BLMH: variants seen among roughly 807,000 people sequenced by gnomAD.
BLMH encodes the protein BLM hydrolase.
BLMH carries 32 observed loss-of-function variants against 61.6 expected under a neutral mutation model. That is an observed-to-expected ratio of 0.52 (90% CI 0.39 to 0.70). BLMH has a LOEUF of 0.70. Ranked by LOEUF, BLMH falls within the 30% of genes least tolerant of loss-of-function variation. The pLI is 0.00. For synonymous variants in BLMH, 183 were observed against 193.8 expected, an observed-to-expected ratio of 0.94 and a Z score of 0.46; for missense variants, 460 against 555.5, an observed-to-expected ratio of 0.83 and a Z score of 1.73.
chr17:30,271,774 ACTG>A (rs1597662430), intron 9 of BLMH, among the ~76,000 whole-genome samples: 1 of 152,208 alleles, frequency 6.6e-6, no homozygotes, highest in East Asian at 1.9e-4. Flanking sequence ...CATTTAAATC[ACTG>A]CTGATTAAAA....
At chr17:30,285,901 C>G (rs1325111100) in intron 5 of BLMH, among the ~76,000 whole-genome samples, 2 of 152,120 alleles carry the variant, frequency 1.3e-5, no homozygotes, top group Admixed American at 1.3e-4. Flanking sequence ...CTGACTATGA[C>G]TATGGTTATG....
chr17:30,252,046 A>G (rs934097356), intron 11 of BLMH: 1 of 152,190 alleles, frequency 6.6e-6, no homozygotes, highest in Non-Finnish European at 1.5e-5. Context: ...GAATTCCTGT[A>G]TCTGCATCTG....
chr17:30,281,089 G>GT (rs145338417), intron 6 of BLMH, among the ~76,000 whole-genome samples: 3,828 of 139,024 alleles, frequency 0.028, 168 homozygotes, highest in African/African-American at 0.1. Context: ...TTGTTTCTTT[G>GT]TTGTTTTTTT....
In BLMH at chr17:30,287,994, A is replaced by G. The variant is rs749259171; in HGVS notation, c.322-47T>C. 12 of 1,549,262 alleles carry G rather than the reference A, an allele frequency of 7.7e-6. No homozygotes were observed. The Admixed American group carries it at 1.5e-4, about 19-fold the overall frequency. On this transcript the variant is annotated intron_variant, in intron 3 of 11. Transcript: ENST00000261714. ...ATAACATTAAAAGAAAAAAGTGTCA[A>G]TAATTTTATTGGCATTATCAACAGA...
At position 30,271,382 on chromosome 17, in the gene BLMH, G is replaced by C. The variant is rs755669858; in HGVS notation, c.1035C>G (p.Asp345Glu). Residue 345 changes from aspartate to glutamate, a missense_variant, in exon 10 of 12, where the codon GAC becomes GAG. Around this residue, in one of 5 missense-constraint regions of BLMH, gnomAD observed 310 missense variants for 371.1 expected, o/e 0.84. Transcript: ENST00000261714. Reference protein sequence around the residue: ...KLGLSDMNLYDHELVFGVSLK... With the variant: ...KLGLSDMNLYEHELVFGVSLK... Reference sequence around the variant, plus strand: ...AGGAGACACCAAACACTAACTCATGGTCATAGCTGTAAAAAGAATGATAGT... The same window carrying C: ...AGGAGACACCAAACACTAACTCATGCTCATAGCTGTAAAAAGAATGATAGT... The C allele has an allele frequency of 6.2e-7, 1 of 1,611,630 alleles. No individual in the cohort carries two copies. The highest frequency in any genetic ancestry group is 8.5e-7 in the Non-Finnish European group (1 of 1,177,912).
chr17:30,254,748 A>G (rs1451865051), intron 11 of BLMH, among the ~76,000 whole-genome samples: 46 of 152,226 alleles, frequency 3.0e-4, no homozygotes, highest in Admixed American at 3.0e-3. Context: ...AGGAGGAGAA[A>G]GAGAAGACAA....
At position 30,272,825 on chromosome 17, in the gene BLMH, C is replaced by T; in HGVS notation, c.876G>A (p.Met292Ile). The change falls in exon 8 of 12, where the codon ATG becomes ATA. Residue 292 changes from methionine (M) to isoleucine (I), a missense_variant. Met to Ile is a conservative substitution (Grantham distance 10, BLOSUM62 1). Transcript: ENST00000261714. ...KLYTVEYLSN[M>I]VGGRKTLYNN... ...TGTATAGAGTTTTTCTCCCTCCAAC[C>T]ATATTGCTTAAGTATTCCACTGTGT... 6.2e-7 allele frequency: 1 copy of T among 1,614,154 alleles called. No individual in the cohort carries two copies. Among genetic ancestry groups the T allele is most frequent in the Non-Finnish European group, 8.5e-7 (1 of 1,180,026 alleles).
chr17:30,266,524 A>C (rs74836269), intron 11 of BLMH, among the ~76,000 whole-genome samples: 11 of 122,280 alleles, frequency 9.0e-5, no homozygotes, highest in African/African-American at 3.9e-4. Flanking sequence ...GACTCTGTCC[A>C]AAAAAAAAAA....
chr17:30,258,669 A>C (rs907117367), intron 11 of BLMH, among the ~76,000 whole-genome samples: 6 of 152,334 alleles, frequency 3.9e-5, no homozygotes, highest in African/African-American at 9.6e-5. Context: ...ACCAATGAGC[A>C]TGAGCTAGGC....
intron 6 of BLMH, among the ~76,000 whole-genome samples, chr17:30,284,123 A>G (rs979173623): frequency 6.6e-6 from 1 of 152,330 alleles, no homozygotes; most frequent in Admixed American, 6.5e-5. Context: ...ATTTTTTCCT[A>G]CTATACTAAG....
Position 30,248,996 on chromosome 17 carries a change from G to C in BLMH, c.*21C>G. On this transcript the variant is annotated 3_prime_UTR_variant, in exon 12 of 12. Transcript: ENST00000261714. ...AGCTACGTCAGGTTCCATGGAAGGAGGAAAGAGCTGGAGGGCAGTATCACT... is the reference window on the plus strand; with the variant it reads ...AGCTACGTCAGGTTCCATGGAAGGACGAAAGAGCTGGAGGGCAGTATCACT... 6.2e-7 allele frequency: 1 copy of C among 1,613,088 alleles called. No individual in the cohort carries two copies. Among genetic ancestry groups the C allele is most frequent in the Non-Finnish European group, 8.5e-7 (1 of 1,179,558 alleles).
chr17:30,291,732 C>T (rs1282230329), intron 1 of BLMH, 75 bp downstream of exon 1: 4 of 1,420,410 alleles, frequency 2.8e-6, no homozygotes, highest in African/African-American at 1.4e-5. Context: ...AGCCCCCGGC[C>T]TTCCCCGCCG....
At chr17:30,289,984 AACAC>A (rs369960675) in intron 2 of BLMH, among the ~76,000 whole-genome samples, 12 of 151,574 alleles carry the variant, frequency 7.9e-5, no homozygotes, top group Admixed American at 4.6e-4. Flanking sequence ...AACACTATTA[AACAC>A]ACACACACAC....
chr17:30,275,759 T>C (rs1348661955), intron 6 of BLMH, among the ~76,000 whole-genome samples: 1 of 152,042 alleles, frequency 6.6e-6, no homozygotes, highest in Non-Finnish European at 1.5e-5. Flanking sequence ...AAGAAAGTAT[T>C]TTATCTTCTA....
In BLMH at chr17:30,285,262, A is replaced by C. The variant is rs139887936; in HGVS notation, c.645+126T>G. On this transcript the variant is annotated intron_variant, in intron 6 of 11. Coordinates refer to ENST00000261714, the MANE Select transcript of BLMH (RefSeq NM_000386.4). ...AGCTCAGTTTTTTCAGTGTAAAATA[A>C]GTAATTTTCAATTCAATTAAACATT... 720 of 675,790 alleles carry C rather than the reference A, an allele frequency of 1.1e-3. 5 individuals carry two copies. Among genetic ancestry groups the C allele is most frequent in the African/African-American group, 4.7e-3 (255 of 54,422 alleles). The allele number at this position is 675,790 out of a possible 1,614,324, so 41.9% of individuals were successfully genotyped here.
intron 6 of BLMH, among the ~76,000 whole-genome samples, chr17:30,281,063 T>C (rs890902369): frequency 4.6e-5 from 7 of 150,740 alleles, no homozygotes; most frequent in South Asian, 4.2e-4. Context: ...GGCAAAGATC[T>C]GTGTTTTTTT....
intron 11 of BLMH, among the ~76,000 whole-genome samples, chr17:30,262,344 T>C (rs1597658872): frequency 6.6e-6 from 1 of 152,306 alleles, no homozygotes; most frequent in East Asian, 1.9e-4. Context: ...AGAAAGACCA[T>C]CTAGGAATTT....
chr17:30,266,970 T>C lies in BLMH; in HGVS notation c.1147-16A>G, dbSNP rs767711952. 6.2e-7 allele frequency: 1 copy of C among 1,612,380 alleles called. No individual in the cohort carries two copies. The highest frequency in any genetic ancestry group is 8.5e-7 in the Non-Finnish European group (1 of 1,178,528). On this transcript the variant is annotated splice_polypyrimidine_tract_variant and intron_variant, in intron 10 of 11. Transcript: ENST00000261714. ...CCTGATCATCCTGCAAAAAAGTGGA[T>C]GATGGTGAGTAGTCTGAAGCCAGAT...
intron 11 of BLMH, among the ~76,000 whole-genome samples, chr17:30,257,603 G>T (rs949942265): frequency 5.3e-5 from 8 of 152,016 alleles, no homozygotes; most frequent in African/African-American, 1.9e-4. Context: ...TCTATTAAAA[G>T]AATTACACTT....
Sources: allele counts gnomAD v4.1 joint callset (sites outside exome capture counted in the v4.1 genomes callset), GRCh38; gene constraint gnomAD v4.1.1; regional missense constraint gnomAD v4.1.1; transcripts MANE v1.5; gene names NCBI Gene and HGNC (gene_info 2026-07-23, HGNC 2026-07-21).